Variants in NAMPT observed in about 807,000 individuals in gnomAD.
The protein encoded by NAMPT is NAmPRTase.
In NAMPT, 7 loss-of-function variants were observed where a neutral mutation model predicts 58.7. That is an observed-to-expected ratio of 0.12 (90% CI 0.07 to 0.22). NAMPT has a LOEUF of 0.22. Among genes scored for constraint, NAMPT ranks in the 10% least tolerant of loss-of-function variants. The pLI, the probability that NAMPT is intolerant of heterozygous loss-of-function variation, is 1.00. For synonymous variants in NAMPT, 145 were observed against 198.1 expected (o/e 0.73, Z 2.25); for missense variants, 271 against 567.9 (o/e 0.48, Z 5.31).
chr7:106,285,664 C>G (rs1792867201), upstream of NAMPT: 1 of 901,380 alleles, frequency 1.1e-6, no homozygotes, highest in East Asian at 1.2e-4. Flanking sequence ...TGAGGGGCCC[C>G]TTTCATCTGA....
Position 106,251,171 on chromosome 7 carries a change from T to C in NAMPT, c.1388A>G (p.Lys463Arg). ...YGQDLLHTVF[K>R]NGKVTKSYSF... ...ATAGCTTTTTGTCACCTTGCCATTC[T>C]TGAAGACAGTATGGAGAAGATCCTG... Residue 463 changes from lysine (K) to arginine (R), a missense_variant, in exon 11 of 11, where the codon AAG (lysine) becomes AGG (arginine). Coordinates refer to ENST00000222553, the MANE Select transcript of NAMPT (RefSeq NM_005746.3). 1 of 1,600,300 alleles carries C rather than the reference T, an allele frequency of 6.2e-7. No individual in the cohort carries two copies.
At chr7:106,280,897 T>C (rs1164194353) in intron 1 of NAMPT, among the ~76,000 whole-genome samples, 1 of 151,062 alleles carries the variant, frequency 6.6e-6, no homozygotes, top group Non-Finnish European at 1.5e-5. Flanking sequence ...GCTGAGATCG[T>C]GCCACTGCAC....
intron 3 of NAMPT, among the ~76,000 whole-genome samples, chr7:106,273,545 T>A (rs966804674): frequency 6.6e-6 from 1 of 152,200 alleles, no homozygotes; most frequent in African/African-American, 2.4e-5. Context: ...ACTAGTCACT[T>A]GCCATCTCTC....
intron 8 of NAMPT, among the ~76,000 whole-genome samples, chr7:106,257,464 TAA>T (rs58198836): frequency 0.021 from 2,588 of 125,624 alleles, 68 homozygotes; most frequent in African/African-American, 0.067. Flanking sequence ...TACAAAACAT[TAA>T]AAAAAAAAAA....
Position 106,284,935 on chromosome 7 carries a change from C to G in NAMPT, c.-51G>C. The G allele has an allele frequency of 6.4e-7, 1 of 1,557,428 alleles. No homozygotes were observed. The highest frequency in any genetic ancestry group is 8.7e-7 in the Non-Finnish European group (1 of 1,148,842). Reference sequence around the variant, plus strand: ...CGCCGCGAGCTCCCTGGCGCGGCTGCGAGGAAGGAGAAAAATGAGCTTCAC... The same window carrying G: ...CGCCGCGAGCTCCCTGGCGCGGCTGGGAGGAAGGAGAAAAATGAGCTTCAC... On this transcript the variant is annotated 5_prime_UTR_variant, in exon 1 of 11. Transcript: ENST00000222553.
intron 1 of NAMPT, among the ~76,000 whole-genome samples, chr7:106,283,797 A>T (rs1792810202): frequency 6.6e-6 from 1 of 152,244 alleles, no homozygotes; most frequent in Non-Finnish European, 1.5e-5. Flanking sequence ...AGTAAAATGG[A>T]ATTCTCTAAA....
At chr7:106,258,356 T>C (rs2115740079) in intron 8 of NAMPT, among the ~76,000 whole-genome samples, 1 of 152,350 alleles carries the variant, frequency 6.6e-6, no homozygotes, top group Non-Finnish European at 1.5e-5. Context: ...CCTTACTCTA[T>C]CTCCACCAAA....
chr7:106,259,493 T>C (rs1056762765), intron 8 of NAMPT, among the ~76,000 whole-genome samples: 1 of 152,166 alleles, frequency 6.6e-6, no homozygotes, highest in Non-Finnish European at 1.5e-5. Context: ...AGTGGCGTGA[T>C]CTTGGCACAC....
rs1194094044 is a variant in NAMPT, at chr7:106,250,060, T to C, written c.*1023A>G. Reference sequence around the variant, plus strand: ...GATGTCCATACAATTTAATATCCAATTTAATTTTTTAAAAACTTAATAAAA... The same window carrying C: ...GATGTCCATACAATTTAATATCCAACTTAATTTTTTAAAAACTTAATAAAA... On this transcript the variant is annotated 3_prime_UTR_variant, in exon 11 of 11. Coordinates refer to ENST00000222553, the MANE Select transcript of NAMPT (RefSeq NM_005746.3). The C allele has an allele frequency of 2.0e-5, 3 of 152,320 alleles. No homozygotes were observed. Among genetic ancestry groups the C allele is most frequent in the African/African-American group, 7.2e-5 (3 of 41,434 alleles). The allele number at this position is 152,320 out of a possible 1,614,324, so 9.4% of individuals were successfully genotyped here.
chr7:106,261,816 A>T, intron 7 of NAMPT, 109 bp from the exon 8 acceptor site: 1 of 1,212,778 alleles, frequency 8.2e-7, no homozygotes, highest in Admixed American at 2.3e-5. Context: ...ATAAAAATTA[A>T]CTACTTTAAA....
At position 106,249,450 on chromosome 7, in the gene NAMPT, A is replaced by AGTC. The variant is rs1792071966; in HGVS notation, c.*1630_*1632dup. The AGTC allele has an allele frequency of 6.6e-6, 1 of 152,530 alleles. No individual in the cohort carries two copies. The highest frequency in any genetic ancestry group is 6.6e-5 in the Admixed American group (1 of 15,244). The allele number at this position is 152,530 out of a possible 1,614,324, so 9.4% of individuals were successfully genotyped here. On this transcript the variant is annotated 3_prime_UTR_variant, in exon 11 of 11. Transcript: ENST00000222553. ...GTCATGTTAAAAACTTTTCTAAATC[A>AGTC]GTCTTCCAGTATCGGATTCTTAAGT...
At chr7:106,278,762 C>T (rs1391631566) in intron 1 of NAMPT, among the ~76,000 whole-genome samples, 3 of 152,118 alleles carry the variant, frequency 2.0e-5, no homozygotes, top group Non-Finnish European at 4.4e-5. Flanking sequence ...GTCCAGTTTA[C>T]AATGTAAATA....
At chr7:106,269,008 G>C (rs1408241812) in intron 5 of NAMPT, 146 bp downstream of exon 5, 9 of 703,522 alleles carry the variant, frequency 1.3e-5, no homozygotes, top group African/African-American at 3.6e-5. Flanking sequence ...CCTGAACACA[G>C]TAGTAGGTAC....
At chr7:106,285,652 G>A (rs972239434), upstream of NAMPT, 3 of 970,206 alleles carry the variant, frequency 3.1e-6, no homozygotes, top group African/African-American at 1.8e-5. Context: ...GAGGAGTGAG[G>A]CTGAGGGGCC....
chr7:106,268,676 C>T, intron 5 of NAMPT, 76 bp from the exon 6 acceptor site: 1 of 1,024,332 alleles, frequency 9.8e-7, no homozygotes, highest in Non-Finnish European at 1.5e-6. Flanking sequence ...CAGCCAACCA[C>T]ATTTAAGGAA....
chr7:106,277,479 A>G (rs760149746), intron 1 of NAMPT, among the ~76,000 whole-genome samples: 1 of 152,152 alleles, frequency 6.6e-6, no homozygotes, highest in Non-Finnish European at 1.5e-5. Context: ...CATCCAGGCG[A>G]AGAGAGAGAG....
At chr7:106,277,526 A>ATGAAC (rs1792671666) in intron 1 of NAMPT, among the ~76,000 whole-genome samples, 1 of 152,222 alleles carries the variant, frequency 6.6e-6, no homozygotes, top group Non-Finnish European at 1.5e-5. Flanking sequence ...ACAGAAAGGA[A>ATGAAC]TGAACTGAAA....
intron 5 of NAMPT, 102 bp from the exon 6 acceptor site, chr7:106,268,702 A>G (rs924746076): frequency 3.3e-5 from 26 of 789,782 alleles, no homozygotes; most frequent in South Asian, 1.4e-4. Context: ...CATAGCTCCC[A>G]TAAGAATTGT....
intron 7 of NAMPT, among the ~76,000 whole-genome samples, chr7:106,261,962 C>T (rs1792311197): frequency 6.6e-6 from 1 of 151,748 alleles, no homozygotes; most frequent in Non-Finnish European, 1.5e-5. Context: ...CAAGTTTTTC[C>T]CCTTAGACCT....
Sources: allele counts gnomAD v4.1 joint callset (sites outside exome capture counted in the v4.1 genomes callset), GRCh38; gene constraint gnomAD v4.1.1; transcripts MANE v1.5; gene names NCBI Gene and HGNC (gene_info 2026-07-23, HGNC 2026-07-21).